Variants in ME3 observed in about 807,000 individuals in gnomAD.
ME3 encodes the protein NADP-dependent malic enzyme, mitochondrial.
Under a neutral mutation model 68.9 loss-of-function variants are expected in ME3, and 48 were observed. The observed-to-expected ratio is 0.70, with a 90% CI of 0.55 to 0.89. The LOEUF is 0.89. Among genes scored for constraint, ME3 ranks in the 40% least tolerant of loss-of-function variants. The pLI, the probability that ME3 is intolerant of heterozygous loss-of-function variation, is 0.00. For missense variants in ME3, 675 were observed against 797.4 expected, an observed-to-expected ratio of 0.85 and a Z score of 1.85; for synonymous variants, 320 against 318.8, an observed-to-expected ratio of 1.00 and a Z score of -0.04.
chr11:86,614,845 A>G (rs17211409), intron 2 of ME3, among the ~76,000 whole-genome samples: 12,112 of 152,156 alleles, frequency 0.08, 677 homozygotes, highest in East Asian at 0.17. Flanking sequence ...ATTATTTTTC[A>G]CATTGTATTG....
At chr11:86,626,713 A>G (rs1234318940) in intron 2 of ME3, among the ~76,000 whole-genome samples, 1 of 152,212 alleles carries the variant, frequency 6.6e-6, no homozygotes, top group African/African-American at 2.4e-5. Context: ...CTTTCTAACA[A>G]GCTTTATAAA....
chr11:86,471,141 C>CTTTTTTTTT lies in ME3; in HGVS notation c.810-5950_810-5942dup, dbSNP rs1163128094. 5.3e-5 allele frequency among the ~76,000 whole-genome samples: 4 copies of CTTTTTTTTT among 75,044 alleles called. 1 individual carries two copies. The highest frequency in any genetic ancestry group is 6.3e-5 in the African/African-American group (1 of 15,902). The allele number at this position is 75,044 out of a possible 152,430, so 49.2% of individuals were successfully genotyped here. On this transcript the variant is annotated intron_variant, in intron 7 of 14. Transcript: ENST00000543262. ...CCTACTTAAACTGTAAGGCCCAGAG[C>CTTTTTTTTT]TTTTTTTTTTTTTTTTTTTTTTTTT...
Position 86,464,220 on chromosome 11 carries a change from A to AT in ME3, c.919+870dup, listed in dbSNP as rs750628574. 149 of 343,948 alleles carry AT rather than the reference A, an allele frequency of 4.3e-4. 1 individual carries two copies. Among genetic ancestry groups the AT allele is most frequent in the Non-Finnish European group, 6.5e-4 (114 of 175,844 alleles). 21.3% of individuals were successfully genotyped at this position (343,948 alleles called of 1,614,324 possible). A position where few individuals can be genotyped will look rare whatever the true frequency, so the allele number is the denominator to read the frequency against. On this transcript the variant is annotated intron_variant, in intron 8 of 14. Coordinates refer to ENST00000543262, the Ensembl canonical transcript of ME3. ...TCTTTCCACCTGACATGGATCTTTG[A>AT]TTTTTAAAAGATTGCTTGGCAAACT...
At chr11:86,466,367 T>C (rs191745865) in intron 7 of ME3, among the ~76,000 whole-genome samples, 2 of 152,358 alleles carry the variant, frequency 1.3e-5, no homozygotes, top group East Asian at 3.9e-4. Flanking sequence ...TAACAGCATC[T>C]GAGGTCATGT....
chr11:86,653,355 C>T (rs766410956), intron 2 of ME3, among the ~76,000 whole-genome samples: 14 of 152,292 alleles, frequency 9.2e-5, no homozygotes, highest in Middle Eastern at 6.8e-3. Flanking sequence ...GTAAAGCACT[C>T]CTCAGCAAAT....
At chr11:86,558,434 C>G (rs765603680) in intron 3 of ME3, among the ~76,000 whole-genome samples, 2 of 152,118 alleles carry the variant, frequency 1.3e-5, no homozygotes, top group Non-Finnish European at 2.9e-5. Flanking sequence ...TGACTAACAT[C>G]CTTCGAGTTT....
intron 7 of ME3, among the ~76,000 whole-genome samples, chr11:86,470,959 G>T (rs1950747081): frequency 1.3e-5 from 2 of 150,906 alleles, no homozygotes; most frequent in East Asian, 1.9e-4. Context: ...TGTTCATTTT[G>T]GCCCCAGCTC....
chr11:86,484,320 C>T (rs905277239), intron 7 of ME3, among the ~76,000 whole-genome samples: 1 of 143,684 alleles, frequency 7.0e-6, no homozygotes, highest in African/African-American at 2.5e-5. Flanking sequence ...CTGACTCACC[C>T]CCAGGCTGGG....
chr11:86,439,390 C>T (rs1948916719), downstream of ME3, among the ~76,000 whole-genome samples: 1 of 152,094 alleles, frequency 6.6e-6, no homozygotes, highest in Non-Finnish European at 1.5e-5. Flanking sequence ...GTACTGTTTT[C>T]CAATATTTTG....
intron 2 of ME3, among the ~76,000 whole-genome samples, chr11:86,600,166 TAA>T (rs1461939016): frequency 6.6e-6 from 1 of 151,988 alleles, no homozygotes; most frequent in African/African-American, 2.4e-5. Context: ...GCAAATTGGA[TAA>T]AGAGTCAAGA....
At chr11:86,620,781 C>T (rs17211458) in intron 2 of ME3, among the ~76,000 whole-genome samples, 10,524 of 152,230 alleles carry the variant, frequency 0.069, 443 homozygotes, top group East Asian at 0.14. Context: ...GCCTTAATAT[C>T]ATACATCTTT....
intron 2 of ME3, among the ~76,000 whole-genome samples, chr11:86,615,350 T>C (rs1231495208): frequency 6.6e-6 from 1 of 152,226 alleles, no homozygotes; most frequent in East Asian, 1.9e-4. Context: ...GCACTTTACA[T>C]ACATTAACTT....
At chr11:86,600,441 G>GATT (rs1361006340) in intron 2 of ME3, among the ~76,000 whole-genome samples, 1 of 151,976 alleles carries the variant, frequency 6.6e-6, no homozygotes, top group Non-Finnish European at 1.5e-5. Flanking sequence ...GGAGCACCCA[G>GATT]ATTCATAAAG....
intron 2 of ME3, among the ~76,000 whole-genome samples, chr11:86,665,015 G>A (rs1946504665): frequency 1.3e-5 from 2 of 152,230 alleles, no homozygotes; most frequent in Admixed American, 1.3e-4. Flanking sequence ...ACTGGGCGAT[G>A]AGAGTCACCA....
chr11:86,475,778 C>G (rs1397257772), intron 7 of ME3, among the ~76,000 whole-genome samples: 1 of 150,330 alleles, frequency 6.7e-6, no homozygotes. Flanking sequence ...GATTAAAGTC[C>G]TAGGCTGGAT....
intron 2 of ME3, among the ~76,000 whole-genome samples, chr11:86,581,827 C>G (rs1158139718): frequency 1.3e-5 from 2 of 152,162 alleles, no homozygotes; most frequent in African/African-American, 4.8e-5. Context: ...GCAGTCAAGT[C>G]ATTAATAAGT....
intron 2 of ME3, among the ~76,000 whole-genome samples, chr11:86,580,572 C>T (rs1958387996): frequency 6.6e-6 from 1 of 152,166 alleles, no homozygotes; most frequent in South Asian, 2.1e-4. Flanking sequence ...GATATTAACA[C>T]TACTTCAGTC....
intron 2 of ME3, among the ~76,000 whole-genome samples, chr11:86,659,265 T>A (rs1192855377): frequency 6.6e-6 from 1 of 152,176 alleles, no homozygotes; most frequent in Non-Finnish European, 1.5e-5. Flanking sequence ...ATATTCAAGT[T>A]TTTTTATGGA....
intron 2 of ME3, among the ~76,000 whole-genome samples, chr11:86,643,916 C>G (rs1216053272): frequency 3.3e-5 from 5 of 152,162 alleles, no homozygotes; most frequent in Admixed American, 1.3e-4. Context: ...CAGCATCCTC[C>G]CCTGTATAAC....
Sources: allele counts gnomAD v4.1 joint callset (sites outside exome capture counted in the v4.1 genomes callset), GRCh38; gene constraint gnomAD v4.1.1; transcripts MANE v1.5; gene names NCBI Gene and HGNC (gene_info 2026-07-23, HGNC 2026-07-21).